RAB2A: variants seen among roughly 807,000 people sequenced by gnomAD.
The protein encoded by RAB2A is ras-related protein Rab-2A.
RAB2A carries 7 observed loss-of-function variants against 32.5 expected under a neutral mutation model. The observed-to-expected ratio is 0.22, with a 90% CI of 0.12 to 0.40. The LOEUF (loss-of-function observed/expected upper bound fraction) is 0.40. RAB2A is among the 10% of genes least tolerant of loss of function. The pLI is 1.00. For missense variants in RAB2A, 108 were observed against 260.7 expected (o/e 0.41, Z 4.03); for synonymous variants, 79 against 85.2 (o/e 0.93, Z 0.40).
intron 6 of RAB2A, among the ~76,000 whole-genome samples, chr8:60,598,852 G>A (rs556868821): frequency 2.2e-5 from 3 of 134,456 alleles, no homozygotes; most frequent in South Asian, 5.0e-4. Flanking sequence ...CGAAGGCCTT[G>A]TTCCTTAGAT....
At position 60,622,179 on chromosome 8, in the gene RAB2A, T is replaced by G. The variant is rs898667908; in HGVS notation, c.*1410T>G. On this transcript the variant is annotated 3_prime_UTR_variant, in exon 8 of 8. Coordinates refer to ENST00000262646, the MANE Select transcript of RAB2A (RefSeq NM_002865.3). The stretch of plus-strand genomic sequence containing the variant: ...ATACTGAAATTATTTTTGTTGATGG[T>G]GTAAGCAGTGTAAGCAAGTGTTTTC... The G allele has an allele frequency of 6.6e-6, 1 of 152,250 alleles. No individual in the cohort carries two copies. The highest frequency in any genetic ancestry group is 1.5e-5 in the Non-Finnish European group (1 of 68,044). The allele number at this position is 152,250 out of a possible 1,614,324, so 9.4% of individuals were successfully genotyped here. A position where few individuals can be genotyped will look rare whatever the true frequency, so the allele number is the denominator to read the frequency against.
chr8:60,582,654 G>A (rs891767185), intron 3 of RAB2A, among the ~76,000 whole-genome samples: 1 of 152,104 alleles, frequency 6.6e-6, no homozygotes, highest in Non-Finnish European at 1.5e-5. Flanking sequence ...CCAAGTAGCT[G>A]GGGGCGTGCC....
At chr8:60,531,361 T>G (rs539921773) in intron 1 of RAB2A, among the ~76,000 whole-genome samples, 2 of 152,364 alleles carry the variant, frequency 1.3e-5, no homozygotes, top group Admixed American at 1.3e-4. Context: ...ACTTGTGACC[T>G]CAGTAAAGTT....
At chr8:60,608,378 A>G (rs1267611929) in intron 6 of RAB2A, among the ~76,000 whole-genome samples, 3 of 151,256 alleles carry the variant, frequency 2.0e-5, no homozygotes, top group Non-Finnish European at 4.4e-5. Flanking sequence ...ACTTTTGACT[A>G]CTCTTCAGTA....
chr8:60,553,838 G>A (rs1216034673), intron 1 of RAB2A, among the ~76,000 whole-genome samples: 3 of 152,144 alleles, frequency 2.0e-5, no homozygotes, highest in African/African-American at 7.2e-5. Flanking sequence ...TTTTGCTTGG[G>A]GATTGGTAGA....
At chr8:60,519,034 T>C (rs980176392) in intron 1 of RAB2A, among the ~76,000 whole-genome samples, 1 of 152,236 alleles carries the variant, frequency 6.6e-6, no homozygotes, top group Non-Finnish European at 1.5e-5. Flanking sequence ...GTTAATGCTC[T>C]GTTCTCTTGG....
chr8:60,549,137 A>G (rs896282771), intron 1 of RAB2A, among the ~76,000 whole-genome samples: 214 of 143,224 alleles, frequency 1.5e-3, no homozygotes, highest in African/African-American at 5.6e-3. Flanking sequence ...CCGGGCAGAG[A>G]CGCTCCTCAC....
intron 1 of RAB2A, among the ~76,000 whole-genome samples, chr8:60,524,290 A>G (rs948623394): frequency 1.3e-5 from 2 of 152,098 alleles, no homozygotes; most frequent in Admixed American, 1.3e-4. Context: ...TGCAGTAGCC[A>G]GTCAGTTTGA....
intron 5 of RAB2A, 81 bp downstream of exon 5, chr8:60,584,896 T>A: frequency 1.2e-5 from 12 of 998,196 alleles, no homozygotes; most frequent in South Asian, 2.1e-5. Flanking sequence ...TTAACATTTG[T>A]TCAAATGTGA....
intron 6 of RAB2A, among the ~76,000 whole-genome samples, chr8:60,610,561 C>A (rs1804325539): frequency 6.6e-6 from 1 of 152,194 alleles, no homozygotes; most frequent in Non-Finnish European, 1.5e-5. Flanking sequence ...TCTGACCTGG[C>A]CTTCCTCAGC....
intron 5 of RAB2A, among the ~76,000 whole-genome samples, chr8:60,585,832 T>G (rs752271323): frequency 6.6e-6 from 1 of 152,196 alleles, no homozygotes; most frequent in Non-Finnish European, 1.5e-5. Flanking sequence ...ATTTACAAGA[T>G]GGATGCAAAA....
chr8:60,565,676 ATTTTTTTTTTTTTTTT>A (rs71252885), intron 2 of RAB2A, among the ~76,000 whole-genome samples: 51 of 97,618 alleles, frequency 5.2e-4, no homozygotes, highest in Non-Finnish European at 9.2e-4. Flanking sequence ...TCTGTAGCTG[ATTTTTTTTTTTTTTTT>A]TTTTTTTTTT....
chr8:60,541,311 T>C (rs1381510342), intron 1 of RAB2A, among the ~76,000 whole-genome samples: 1 of 152,104 alleles, frequency 6.6e-6, no homozygotes, highest in Non-Finnish European at 1.5e-5. Flanking sequence ...GACAATTAAA[T>C]GTAATATGGT....
intron 1 of RAB2A, among the ~76,000 whole-genome samples, chr8:60,518,032 T>C (rs887213169): frequency 1.4e-5 from 2 of 147,130 alleles, no homozygotes; most frequent in African/African-American, 2.5e-5. Flanking sequence ...GTTTTAGATA[T>C]GTCAAGTCCG....
At chr8:60,551,022 C>T (rs1807838417) in intron 1 of RAB2A, among the ~76,000 whole-genome samples, 1 of 152,136 alleles carries the variant, frequency 6.6e-6, no homozygotes, top group Non-Finnish European at 1.5e-5. Context: ...GATCCACTGG[C>T]CTATTTCCTC....
intron 6 of RAB2A, among the ~76,000 whole-genome samples, chr8:60,593,967 CT>C (rs1230134619): frequency 5.9e-5 from 9 of 151,310 alleles, no homozygotes; most frequent in Admixed American, 5.3e-4. Flanking sequence ...TCTTTCAAAG[CT>C]CTTTGTACAC....
In RAB2A at chr8:60,581,909, AGTTTTTTGTT is replaced by A. The variant is rs202106202; in HGVS notation, c.187-2285_187-2276del. ...TTAAAATAAAAACAAGGTATCTTCT[AGTTTTTTGTT>A]GTTTTTTGTTGTTGTTGTTTTTCTT... On this transcript the variant is annotated intron_variant, in intron 3 of 7. Coordinates refer to ENST00000262646, the MANE Select transcript of RAB2A (RefSeq NM_002865.3). 1.6e-4 allele frequency among the ~76,000 whole-genome samples: 24 copies of A among 151,124 alleles called. No homozygotes were observed. The East Asian group carries it at 3.3e-3, about 21-fold the overall frequency.
rs190785153 is a variant in RAB2A, at chr8:60,556,927, T to G, written c.47-1925T>G. Among the ~76,000 whole-genome samples, 13 of 152,320 alleles carry G rather than the reference T, an allele frequency of 8.5e-5. No individual in the cohort carries two copies. In the East Asian group the frequency reaches 2.5e-3, roughly 29 times the overall value. On this transcript the variant is annotated intron_variant, in intron 1 of 7. Transcript: ENST00000262646. ...TACCATATGAAAAAATTGGGGATGTTAAATAATTGCTCACCTATTTTGAAC... is the reference window on the plus strand; with the variant it reads ...TACCATATGAAAAAATTGGGGATGTGAAATAATTGCTCACCTATTTTGAAC...
chr8:60,567,528 A>G (rs941654866), intron 2 of RAB2A, among the ~76,000 whole-genome samples: 3 of 152,126 alleles, frequency 2.0e-5, no homozygotes, highest in African/African-American at 7.2e-5. Flanking sequence ...CCAAGTTGCA[A>G]GATTTTTAGT....
Sources: gnomAD v4.1 joint callset for allele counts (sites outside exome capture counted in the v4.1 genomes callset) on GRCh38, gnomAD v4.1.1 for gene constraint, MANE v1.5 for transcripts, NCBI Gene and HGNC (gene_info 2026-07-23, HGNC 2026-07-21) for gene names.